Variants in UTP4 observed in about 807,000 individuals in gnomAD.
UTP4 encodes U3 small nucleolar RNA-associated protein 4 homolog.
A neutral mutation model predicts 82.4 loss-of-function variants in UTP4; 45 were observed. The observed-to-expected ratio is 0.55, with a 90% CI of 0.43 to 0.70. The LOEUF is 0.70. UTP4 is among the 30% of genes least tolerant of loss of function. The probability of loss-of-function intolerance (pLI) is 0.00; values close to 1 mark genes in which losing one functional copy is unlikely to be tolerated. For synonymous variants in UTP4, 348 were observed against 300.3 expected, an observed-to-expected ratio of 1.16 and a Z score of -1.64; for missense variants, 819 against 858.3, an observed-to-expected ratio of 0.95 and a Z score of 0.57.
At position 69,132,677 on chromosome 16, in the gene UTP4, C is replaced by G; in HGVS notation, c.-15C>G. The G allele has an allele frequency of 3.0e-6, 1 of 330,952 alleles. No individual in the cohort carries two copies. The highest frequency in any genetic ancestry group is 2.1e-5 in the South Asian group (1 of 48,706). 20.5% of individuals were successfully genotyped at this position (330,952 alleles called of 1,614,324 possible). On this transcript the variant is annotated 5_prime_UTR_variant, in exon 1 of 17. Coordinates refer to ENST00000314423, the MANE Select transcript of UTP4 (RefSeq NM_032830.3). ...GAGAGGCGAGCACCGGGAAGGGGAG[C>G]GTGGGGCCGCTGGTGAGTTGGGGAA...
intron 2 of UTP4, among the ~76,000 whole-genome samples, chr16:69,135,200 G>A (rs985960196): frequency 2.6e-5 from 4 of 151,998 alleles, no homozygotes; most frequent in African/African-American, 9.7e-5. Flanking sequence ...TTTATCAAGC[G>A]CCTCCTACAA....
chr16:69,154,064 A>G (rs1415833051), intron 9 of UTP4, among the ~76,000 whole-genome samples: 2 of 152,194 alleles, frequency 1.3e-5, no homozygotes, highest in African/African-American at 4.8e-5. Flanking sequence ...GTGACAGCCT[A>G]GTGGCCTTTT....
At chr16:69,159,642 T>G (rs1359166962) in intron 12 of UTP4, among the ~76,000 whole-genome samples, 1 of 151,134 alleles carries the variant, frequency 6.6e-6, no homozygotes. Flanking sequence ...GAGCCGAGAT[T>G]GCACCACTGC....
rs1378807306 is a variant in UTP4 at position 69,150,794 on chromosome 16, T to C, written c.911-19T>C. On this transcript the variant is annotated intron_variant, in intron 7 of 16. Coordinates refer to ENST00000314423, the MANE Select transcript of UTP4 (RefSeq NM_032830.3). ...AGGATGACTTCTAATTCTGTACACC[T>C]TCTCCCCTGCTTTCCCAGGCACTGA... The C allele has an allele frequency of 1.9e-6, 3 of 1,613,072 alleles. No individual in the cohort carries two copies. Among genetic ancestry groups the C allele is most frequent in the Non-Finnish European group, 2.5e-6 (3 of 1,179,140 alleles).
At chr16:69,159,612 C>T (rs1309977700) in intron 12 of UTP4, among the ~76,000 whole-genome samples, 1 of 151,492 alleles carries the variant, frequency 6.6e-6, no homozygotes, top group African/African-American at 2.4e-5. Context: ...GGCTTGAACC[C>T]GAGAGGCAGA....
At chr16:69,153,553 A>T in intron 8 of UTP4, 31 bp from the exon 9 acceptor site, 1 of 1,557,134 alleles carries the variant, frequency 6.4e-7, no homozygotes, top group Non-Finnish European at 8.8e-7. Context: ...ACCCTGACTT[A>T]TTTTTTTAAC....
At chr16:69,139,720 C>T (rs1181523865) in intron 4 of UTP4, 105 bp from the exon 5 acceptor site, 1 of 762,130 alleles carries the variant, frequency 1.3e-6, no homozygotes, top group African/African-American at 1.7e-5. Flanking sequence ...GATGAGAGAG[C>T]TAAGATTGTA....
intron 5 of UTP4, among the ~76,000 whole-genome samples, chr16:69,140,922 A>C (rs944155125): frequency 6.6e-6 from 1 of 152,048 alleles, no homozygotes; most frequent in Admixed American, 6.6e-5. Flanking sequence ...CGATCCTCCC[A>C]GTATGGTTAT....
At chr16:69,168,567 T>A (rs767475108) in intron 16 of UTP4, among the ~76,000 whole-genome samples, 1 of 152,140 alleles carries the variant, frequency 6.6e-6, no homozygotes, top group Non-Finnish European at 1.5e-5. Context: ...CAGTGCACGT[T>A]GATCATGTCT....
chr16:69,159,052 C>CT (rs376605915), intron 12 of UTP4, among the ~76,000 whole-genome samples: 81 of 149,746 alleles, frequency 5.4e-4, no homozygotes, highest in African/African-American at 1.6e-3. Context: ...TTGTCCGTAA[C>CT]TTTTTTTTTT....
chr16:69,132,910 G>A, intron 1 of UTP4: 1 of 207,936 alleles, frequency 4.8e-6, no homozygotes, highest in Non-Finnish European at 9.8e-6. Context: ...TGCTCTGTCT[G>A]CGGGTTCCTA....
At chr16:69,146,336 C>T (rs1326653725) in intron 6 of UTP4, among the ~76,000 whole-genome samples, 5 of 152,158 alleles carry the variant, frequency 3.3e-5, no homozygotes, top group Admixed American at 6.5e-5. Context: ...TTCTCTCAGC[C>T]TCTGGTCACC....
At chr16:69,165,777 C>CT (rs1963687477) in intron 15 of UTP4, 2 of 592,574 alleles carry the variant, frequency 3.4e-6, no homozygotes, top group Non-Finnish European at 6.0e-6. Context: ...GCTGATTTGA[C>CT]TATTTGTCTA....
Position 69,134,702 on chromosome 16 carries a change from CT to C in UTP4, c.159+1101del, listed in dbSNP as rs751705922. Reference sequence around the variant, plus strand: ...TGTGATTTTCTTTTTTTTTCTTTTTCTTTTTTTTTTTTTTTTTGGAGACGGA... The same window carrying C: ...TGTGATTTTCTTTTTTTTTCTTTTTCTTTTTTTTTTTTTTTTGGAGACGGA... On this transcript the variant is annotated intron_variant, in intron 2 of 16. Transcript: ENST00000314423. Among the ~76,000 whole-genome samples, 917 of 131,492 alleles carry C rather than the reference CT, an allele frequency of 7.0e-3. 2 individuals carry two copies. The highest frequency in any genetic ancestry group is 0.02 in the African/African-American group (728 of 35,626). The allele number at this position is 131,492 out of a possible 152,430, so 86.3% of individuals were successfully genotyped here.
rs150235035 is a variant in UTP4, at chr16:69,144,916, C to T, written c.738+1527C>T. 6.9e-4 allele frequency among the ~76,000 whole-genome samples: 105 copies of T among 152,166 alleles called. 1 individual carries two copies. Among genetic ancestry groups the T allele is most frequent in the Middle Eastern group, 3.4e-3 (1 of 294 alleles). On this transcript the variant is annotated intron_variant, in intron 6 of 16. Coordinates refer to ENST00000314423, the MANE Select transcript of UTP4 (RefSeq NM_032830.3). Reference sequence around the variant, plus strand: ...CAGCACTTTGGGAGGCCAAGGCGGACGGATCACCTGAGGTCAGGAGTTCAA... The same window carrying T: ...CAGCACTTTGGGAGGCCAAGGCGGATGGATCACCTGAGGTCAGGAGTTCAA...
At position 69,146,589 on chromosome 16, in the gene UTP4, G is replaced by A. The variant is rs932767823; in HGVS notation, c.738+3200G>A. On this transcript the variant is annotated intron_variant, in intron 6 of 16. Transcript: ENST00000314423. Reference sequence around the variant, plus strand: ...AATAATGCTGCTCTAGGCCAGGTGCGGTGGCTCACGCCTGTAATCCCAGCA... The same window carrying A: ...AATAATGCTGCTCTAGGCCAGGTGCAGTGGCTCACGCCTGTAATCCCAGCA... Among the ~76,000 whole-genome samples the A allele has an allele frequency of 4.6e-5, 7 of 152,106 alleles. No homozygotes were observed. The South Asian group carries it at 8.3e-4, about 18-fold the overall frequency.
At chr16:69,162,847 G>A (rs117748145) in intron 13 of UTP4, among the ~76,000 whole-genome samples, 3,464 of 150,486 alleles carry the variant, frequency 0.023, 52 homozygotes, top group Non-Finnish European at 0.036. Context: ...TGATTATCAC[G>A]CCACTGCACT....
intron 12 of UTP4, among the ~76,000 whole-genome samples, chr16:69,159,493 T>C (rs1403394704): frequency 6.6e-6 from 1 of 151,790 alleles, no homozygotes; most frequent in Non-Finnish European, 1.5e-5. Flanking sequence ...ATCGAGACCA[T>C]GCTGACCAAA....
chr16:69,134,201 G>A (rs559541435), intron 2 of UTP4, among the ~76,000 whole-genome samples: 2 of 152,190 alleles, frequency 1.3e-5, no homozygotes, highest in East Asian at 3.9e-4. Context: ...TTTTCTTCGG[G>A]TGCAACATCT....
Sources: allele counts gnomAD v4.1 joint callset (sites outside exome capture counted in the v4.1 genomes callset), GRCh38; gene constraint gnomAD v4.1.1; transcripts MANE v1.5; gene names NCBI Gene and HGNC (gene_info 2026-07-23, HGNC 2026-07-21).